The following MYO9A variants were observed in gnomAD, a reference collection of about 807,000 sequenced individuals.
MYO9A encodes unconventional myosin-IXa.
Under a neutral mutation model 293.3 loss-of-function variants are expected in MYO9A, and 103 were observed. The observed-to-expected ratio is 0.35, with a 90% confidence interval of 0.30 to 0.41. The LOEUF is 0.41. MYO9A is among the 10% of genes least tolerant of loss of function. The pLI is 1.00. For missense variants in MYO9A, 2,685 were observed against 3,033.0 expected, an observed-to-expected ratio of 0.89 and a Z score of 2.69; for synonymous variants, 1,001 against 1,035.7, an observed-to-expected ratio of 0.97 and a Z score of 0.64.
At chr15:71,902,310 C>G (rs2057508682) in intron 22 of MYO9A, among the ~76,000 whole-genome samples, 2 of 151,814 alleles carry the variant, frequency 1.3e-5, no homozygotes, top group Admixed American at 1.3e-4. Context: ...AGGTTATTAT[C>G]AAGCAGGAGG....
chr15:72,009,766 C>T (rs985258895), intron 7 of MYO9A, among the ~76,000 whole-genome samples: 13 of 151,910 alleles, frequency 8.6e-5, no homozygotes, highest in Non-Finnish European at 1.2e-4. Context: ...ACGACTCTCC[C>T]CTTCAAAAAA....
At chr15:71,847,046 G>A (rs1456326303) in intron 39 of MYO9A, among the ~76,000 whole-genome samples, 1 of 152,208 alleles carries the variant, frequency 6.6e-6, no homozygotes, top group Non-Finnish European at 1.5e-5. Context: ...ATAATAAAGT[G>A]GAGGAGATTG....
chr15:71,937,163 T>A (rs2058664815), intron 16 of MYO9A, among the ~76,000 whole-genome samples: 1 of 151,918 alleles, frequency 6.6e-6, no homozygotes, highest in Non-Finnish European at 1.5e-5. Context: ...AAAATTCTTT[T>A]AAAAAAAGAA....
chr15:71,901,145 C>T (rs1305981359), intron 23 of MYO9A, 46 bp downstream of exon 23: 1 of 1,558,270 alleles, frequency 6.4e-7, no homozygotes, highest in South Asian at 1.2e-5. Context: ...TAAACAAAGG[C>T]CAAATAAACT....
intron 1 of MYO9A, among the ~76,000 whole-genome samples, chr15:72,049,838 C>T (rs907991806): frequency 2.6e-5 from 4 of 152,216 alleles, no homozygotes; most frequent in Non-Finnish European, 5.9e-5. Flanking sequence ...GAAAAATTTT[C>T]ATCTATGAAA....
In MYO9A at chr15:72,088,521, CA is replaced by C. The variant is rs568724754; in HGVS notation, c.-72+29158del. Among the ~76,000 whole-genome samples, 8 of 152,266 alleles carry C rather than the reference CA, an allele frequency of 5.3e-5. No individual in the cohort carries two copies. The East Asian group carries it at 1.5e-3, about 29-fold the overall frequency. On this transcript the variant is annotated intron_variant, in intron 1 of 41. Transcript: ENST00000356056. The stretch of plus-strand genomic sequence containing the variant: ...AGAGGTCTACTTTCCAACACATTAT[CA>C]AATTTATAATCTAACACATTTGCCA...
intron 29 of MYO9A, 117 bp from the exon 30 acceptor site, chr15:71,879,954 C>A (rs1192431800): frequency 1.4e-6 from 1 of 700,048 alleles, no homozygotes; most frequent in Non-Finnish European, 2.5e-6. Flanking sequence ...AAGCCACAGG[C>A]TATTATAGGA....
chr15:72,028,520 G>A (rs907195401), intron 3 of MYO9A, among the ~76,000 whole-genome samples: 22 of 150,704 alleles, frequency 1.5e-4, no homozygotes, highest in African/African-American at 5.4e-4. Context: ...GGTGGTGCAC[G>A]CCTGTAATCC....
intron 27 of MYO9A, 125 bp from the exon 28 acceptor site, chr15:71,883,861 T>A: frequency 2.3e-6 from 2 of 854,608 alleles, no homozygotes; most frequent in Non-Finnish European, 3.3e-6. Flanking sequence ...ACATTTAAAT[T>A]AAGTGTATTT....
At chr15:72,010,214 A>G (rs769183381) in intron 7 of MYO9A, 136 bp downstream of exon 7, 76 of 584,302 alleles carry the variant, frequency 1.3e-4, no homozygotes, top group Non-Finnish European at 2.0e-4. Flanking sequence ...AATTAGAAAT[A>G]ATGCTCGAGA....
chr15:72,117,473 A>C (rs778326057), intron 1 of MYO9A, among the ~76,000 whole-genome samples: 38 of 151,174 alleles, frequency 2.5e-4, no homozygotes, highest in Non-Finnish European at 4.7e-4. Context: ...GAGGGCCGGA[A>C]TGGTGCCCGG....
Position 71,943,490 on chromosome 15 carries a change from C to A in MYO9A, c.2303-4563G>T, listed in dbSNP as rs28536592. On this transcript the variant is annotated intron_variant, in intron 15 of 41. Coordinates refer to ENST00000356056, the MANE Select transcript of MYO9A (RefSeq NM_006901.4). ...AAAAATAATCTCTTCTAGGCATTTA[C>A]TTGTAACTTGTATCAGGCTTCATAA... Among the ~76,000 whole-genome samples the A allele has an allele frequency of 5.7e-3, 860 of 152,094 alleles. 12 individuals carry two copies. Among genetic ancestry groups the A allele is most frequent in the African/African-American group, 0.02 (814 of 41,506 alleles).
intron 14 of MYO9A, among the ~76,000 whole-genome samples, chr15:71,956,336 T>A (rs1310005646): frequency 1.0e-3 from 112 of 112,178 alleles, no homozygotes; most frequent in African/African-American, 2.0e-3. Context: ...AAAAAATATA[T>A]ATATATATAT....
intron 1 of MYO9A, among the ~76,000 whole-genome samples, chr15:72,058,658 T>C (rs2078790948): frequency 6.6e-6 from 1 of 152,212 alleles, no homozygotes; most frequent in Non-Finnish European, 1.5e-5. Flanking sequence ...CTTTTTATTC[T>C]CTATCTCAAT....
At chr15:72,002,778 T>C (rs934586621) in intron 8 of MYO9A, among the ~76,000 whole-genome samples, 3 of 152,162 alleles carry the variant, frequency 2.0e-5, no homozygotes, top group African/African-American at 7.2e-5. Flanking sequence ...GGTACAAGGG[T>C]ACACAGTGGG....
intron 13 of MYO9A, among the ~76,000 whole-genome samples, chr15:71,964,557 G>C (rs962112920): frequency 6.7e-6 from 1 of 150,116 alleles, no homozygotes; most frequent in African/African-American, 2.5e-5. Context: ...CAAGGCTGGC[G>C]GATCACGAGG....
Position 71,880,751 on chromosome 15 carries a change from G to A in MYO9A, c.5399-193C>T, listed in dbSNP as rs972028. 0.23 allele frequency among the ~76,000 whole-genome samples: 34,741 copies of A among 152,024 alleles called. 4,136 individuals carry two copies. The highest frequency in any genetic ancestry group is 0.41 in the East Asian group (2,125 of 5,170). ...CAGACAGCACATTTGTACAGAAAGC[G>A]TATTTAAAAATTACCACTTTTCAAA... On this transcript the variant is annotated intron_variant, in intron 28 of 41. Coordinates refer to ENST00000356056, the MANE Select transcript of MYO9A (RefSeq NM_006901.4).
chr15:71,959,719 GA>G, intron 14 of MYO9A, 181 bp downstream of exon 14: 1 of 598,662 alleles, frequency 1.7e-6, no homozygotes, highest in Non-Finnish European at 2.9e-6. Context: ...CTCTTTTACA[GA>G]AAAGAAAAAC....
intron 39 of MYO9A, among the ~76,000 whole-genome samples, chr15:71,836,278 C>A (rs1457403571): frequency 5.3e-4 from 81 of 152,066 alleles, no homozygotes; most frequent in African/African-American, 1.9e-3. Flanking sequence ...TATATACACA[C>A]ACATTATACA....
Sources: allele counts gnomAD v4.1 joint callset (sites outside exome capture counted in the v4.1 genomes callset), GRCh38; gene constraint gnomAD v4.1.1; transcripts MANE v1.5; gene names NCBI Gene and HGNC (gene_info 2026-07-23, HGNC 2026-07-21).